Variants in DAPK1 observed in about 807,000 individuals in gnomAD.
DAPK1 encodes the protein death associated protein kinase 1, also known as death-associated protein kinase 1.
DAPK1 carries 56 observed loss-of-function variants against 144.9 expected under a neutral mutation model. The ratio of observed to expected loss-of-function variants is 0.39; its 90% confidence interval spans 0.31 to 0.48. The LOEUF is 0.48. DAPK1 is among the 20% of genes least tolerant of loss of function. The pLI, the probability that DAPK1 is intolerant of heterozygous loss-of-function variation, is 0.95. For synonymous variants in DAPK1, 690 were observed against 749.0 expected, an observed-to-expected ratio of 0.92 and a Z score of 1.29; for missense variants, 1,454 against 1,875.4, an observed-to-expected ratio of 0.78 and a Z score of 4.15.
intron 3 of DAPK1, among the ~76,000 whole-genome samples, chr9:87,626,282 G>T (rs998174156): frequency 1.3e-5 from 2 of 152,154 alleles, no homozygotes; most frequent in African/African-American, 2.4e-5. Flanking sequence ...GGGCGTGGTG[G>T]TGCACGCCTG....
At chr9:87,565,346 CCT>C (rs1827083003) in intron 2 of DAPK1, among the ~76,000 whole-genome samples, 1 of 152,324 alleles carries the variant, frequency 6.6e-6, no homozygotes, top group South Asian at 2.1e-4. Context: ...ACAACCCCAT[CCT>C]CTGTCCAGAG....
intron 2 of DAPK1, among the ~76,000 whole-genome samples, chr9:87,546,607 A>G (rs1563985813): frequency 6.6e-6 from 1 of 152,174 alleles, no homozygotes; most frequent in African/African-American, 2.4e-5. Flanking sequence ...TAAAGCATCA[A>G]ACATGCAGAA....
intron 21 of DAPK1, among the ~76,000 whole-genome samples, chr9:87,692,407 G>A (rs1825091738): frequency 6.6e-6 from 1 of 151,952 alleles, no homozygotes. Flanking sequence ...ATATAGTTGG[G>A]CCATGTTTTA....
chr9:87,558,582 G>A (rs546716137), intron 2 of DAPK1, among the ~76,000 whole-genome samples: 68 of 152,206 alleles, frequency 4.5e-4, no homozygotes, highest in Non-Finnish European at 8.4e-4. Flanking sequence ...CGTCCCTTTC[G>A]ACGAAAACGA....
At chr9:87,553,244 G>T (rs1587711865) in intron 2 of DAPK1, among the ~76,000 whole-genome samples, 1 of 90,922 alleles carries the variant, frequency 1.1e-5, no homozygotes, top group South Asian at 2.6e-4. Context: ...TCTGTCATGT[G>T]GGGGGGGTTG....
intron 3 of DAPK1, among the ~76,000 whole-genome samples, chr9:87,635,587 T>C (rs1333795773): frequency 6.6e-6 from 1 of 152,052 alleles, no homozygotes; most frequent in Non-Finnish European, 1.5e-5. Flanking sequence ...TTGGATCCTG[T>C]AGGAAGCAGT....
chr9:87,500,875 T>C (rs1824364306), intron 2 of DAPK1, among the ~76,000 whole-genome samples: 1 of 152,172 alleles, frequency 6.6e-6, no homozygotes, highest in African/African-American at 2.4e-5. Context: ...TTTAAAGAAA[T>C]GCTCTGAAAA....
At chr9:87,658,681 C>A (rs950663890) in intron 18 of DAPK1, among the ~76,000 whole-genome samples, 1 of 152,218 alleles carries the variant, frequency 6.6e-6, no homozygotes, top group Non-Finnish European at 1.5e-5. Context: ...CCTAGCACCT[C>A]CCTGCTGAGG....
chr9:87,671,837 A>G (rs966620842), intron 19 of DAPK1, among the ~76,000 whole-genome samples: 7 of 152,200 alleles, frequency 4.6e-5, no homozygotes, highest in Admixed American at 3.3e-4. Flanking sequence ...TAATGCCCTA[A>G]TTAAAGGACA....
chr9:87,694,078 T>C (rs1306055838), intron 21 of DAPK1, among the ~76,000 whole-genome samples: 1 of 152,128 alleles, frequency 6.6e-6, no homozygotes, highest in Non-Finnish European at 1.5e-5. Context: ...CTGGTAGTAG[T>C]AGCAGTGGGC....
At chr9:87,507,225 T>C (rs1176497026) in intron 2 of DAPK1, among the ~76,000 whole-genome samples, 2 of 152,184 alleles carry the variant, frequency 1.3e-5, no homozygotes, top group African/African-American at 4.8e-5. Context: ...TGGGGCCTTT[T>C]TTTTGAGACG....
intron 23 of DAPK1, among the ~76,000 whole-genome samples, chr9:87,699,251 C>G (rs1825377673): frequency 6.6e-6 from 1 of 152,214 alleles, no homozygotes; most frequent in Non-Finnish European, 1.5e-5. Flanking sequence ...CAACCCCCTT[C>G]TTTCTACCTC....
At chr9:87,692,345 A>G (rs1825088465) in intron 21 of DAPK1, among the ~76,000 whole-genome samples, 1 of 151,080 alleles carries the variant, frequency 6.6e-6, no homozygotes, top group Non-Finnish European at 1.5e-5. Context: ...GTATCCCTTT[A>G]CTTTCAATCT....
chr9:87,529,501 C>T (rs1000711718), intron 2 of DAPK1, among the ~76,000 whole-genome samples: 2 of 152,212 alleles, frequency 1.3e-5, no homozygotes, highest in Non-Finnish European at 2.9e-5. Flanking sequence ...TTATCCTGAG[C>T]ATCTACAACA....
chr9:87,686,584 G>T lies in DAPK1; in HGVS notation c.2258G>T (p.Cys753Phe). ...SVSINNLYPG[C>F]ENVSVRSRSM... ...AGCATCAACAACCTGTACCCAGGCTGCGAGAACGTGAGTGTGAGGAGCCGC... is the reference window on the plus strand; with the variant it reads ...AGCATCAACAACCTGTACCCAGGCTTCGAGAACGTGAGTGTGAGGAGCCGC... Residue 753 changes from cysteine (C) to phenylalanine (F), a missense_variant, in exon 21 of 26, where the codon TGC (cysteine) becomes TTC (phenylalanine). Cys to Phe is a radical substitution (Grantham distance 205, BLOSUM62 -2). Around this residue, in one of 2 missense-constraint regions of DAPK1, gnomAD observed 1,025 missense variants for 1,237.9 expected, o/e 0.83. Transcript: ENST00000408954. The surrounding 1 kb of genome is among the most constrained non-coding windows in gnomAD (Gnocchi z 4.2). 1 of 1,588,384 alleles carries T rather than the reference G, an allele frequency of 6.3e-7. No homozygotes were observed. The highest frequency in any genetic ancestry group is 1.3e-5 in the African/African-American group (1 of 74,630).
rs1254725132 is a variant in DAPK1, at chr9:87,618,996, C to A, written c.284+13821C>A. ...CATGATTGGTAGAGTGGTGCAGAGC[C>A]TTTGAACCTGTGTCCAGGCCCCTCC... On this transcript the variant is annotated intron_variant, in intron 3 of 25. Coordinates refer to ENST00000408954, the MANE Select transcript of DAPK1 (RefSeq NM_004938.4). 5.3e-5 allele frequency among the ~76,000 whole-genome samples: 8 copies of A among 152,282 alleles called. No individual in the cohort carries two copies. The South Asian group carries it at 8.3e-4, about 16-fold the overall frequency.
intron 9 of DAPK1, among the ~76,000 whole-genome samples, chr9:87,641,505 A>G (rs898400524): frequency 1.5e-4 from 23 of 152,100 alleles, no homozygotes; most frequent in African/African-American, 5.1e-4. Flanking sequence ...CTAGCCAGCT[A>G]TGGTGTCTCC....
chr9:87,645,875 T>C lies in DAPK1; in HGVS notation c.1012-20T>C, dbSNP rs1407536231. On this transcript the variant is annotated intron_variant, in intron 11 of 25. Coordinates refer to ENST00000408954, the MANE Select transcript of DAPK1 (RefSeq NM_004938.4). ...GGCTAGCAATGTAACTCTGTTTCCA[T>C]CTTGGCTGTCTCTCTCAAGGATGAG... 1 of 1,612,966 alleles carries C rather than the reference T, an allele frequency of 6.2e-7. No individual in the cohort carries two copies. Among genetic ancestry groups the C allele is most frequent in the Admixed American group, 1.7e-5 (1 of 59,846 alleles).
chr9:87,647,186 A>G (rs1322427143), intron 13 of DAPK1, 119 bp from the exon 14 acceptor site: 7 of 784,108 alleles, frequency 8.9e-6, no homozygotes, highest in East Asian at 2.5e-5. Context: ...TCCTCTGGGA[A>G]GTTGCTCCTC....
Sources: allele counts gnomAD v4.1 joint callset (sites outside exome capture counted in the v4.1 genomes callset), GRCh38; gene constraint gnomAD v4.1.1; regional missense constraint gnomAD v4.1.1; non-coding constraint Gnocchi (gnomAD v3.1); transcripts MANE v1.5; gene names NCBI Gene and HGNC (gene_info 2026-07-23, HGNC 2026-07-21).